The following PLAGL1 variants were observed in gnomAD, a reference collection of about 807,000 sequenced individuals.
PLAGL1 encodes the protein zinc finger protein PLAGL1.
In PLAGL1, 1 loss-of-function variant was observed where a neutral mutation model predicts 4.6. The ratio of observed to expected loss-of-function variants is 0.22; its 90% CI spans 0.08 to 1.03. PLAGL1 has a LOEUF of 1.03. Ranked by LOEUF, PLAGL1 falls within the 50% of genes least tolerant of loss-of-function variation. PLAGL1 has a pLI of 0.58. For synonymous variants in PLAGL1, 240 were observed against 237.8 expected, an observed-to-expected ratio of 1.01 and a Z score of -0.08; for missense variants, 464 against 570.4, an observed-to-expected ratio of 0.81 and a Z score of 1.90.
chr6:144,000,266 C>A lies in PLAGL1; in HGVS notation c.-584+7824G>T, dbSNP rs915850447. Among the ~76,000 whole-genome samples the A allele has an allele frequency of 6.6e-6, 1 of 151,732 alleles. No homozygotes were observed. Among genetic ancestry groups the A allele is most frequent in the Non-Finnish European group, 1.5e-5 (1 of 67,938 alleles). ...TTCTTCATTGTACTGGTTGTCCTAG[C>A]CAGTGAAATTAGACATAAACAAAAG... is the stretch of plus-strand genomic sequence containing the variant. On this transcript the variant is annotated intron_variant, in intron 1 of 7. Coordinates refer to ENST00000674357, the MANE Select transcript of PLAGL1 (RefSeq NM_001317162.2). This position sits in a 1 kb window ranked among gnomAD's most constrained non-coding sequence, Gnocchi z 4.1.
In PLAGL1 at chr6:144,022,690, G is replaced by A. The variant is rs1796058214; in HGVS notation, c.-151+41778C>T. Reference sequence around the variant, plus strand: ...TATGAAAGGGAGTTCCCTTGCACAAGCTCTCTTGCCTGCCACCATGTAAGA... The same window carrying A: ...TATGAAAGGGAGTTCCCTTGCACAAACTCTCTTGCCTGCCACCATGTAAGA... On this transcript the variant is annotated intron_variant, in intron 1 of 3. Coordinates refer to the PLAGL1 transcript ENST00000437412. This position sits in a 1 kb window ranked among gnomAD's most constrained non-coding sequence, Gnocchi z 4.2. 6.6e-6 allele frequency among the ~76,000 whole-genome samples: 1 copy of A among 152,138 alleles called. No homozygotes were observed. The highest frequency in any genetic ancestry group is 2.1e-4 in the South Asian group (1 of 4,824).
intron 1 of PLAGL1, among the ~76,000 whole-genome samples, chr6:144,020,133 A>T (rs1270317472): frequency 6.6e-6 from 1 of 152,142 alleles, no homozygotes; most frequent in East Asian, 1.9e-4. Flanking sequence ...GTGAGGAAGC[A>T]AGAAGACCGC....
At position 143,984,303 on chromosome 6, in the gene PLAGL1, T is replaced by C. The variant is rs1430910935; in HGVS notation, c.-544+832A>G. Among the ~76,000 whole-genome samples, 2 of 152,172 alleles carry C rather than the reference T, an allele frequency of 1.3e-5. No homozygotes were observed. Among genetic ancestry groups the C allele is most frequent in the Non-Finnish European group, 2.9e-5 (2 of 68,016 alleles). On this transcript the variant is annotated intron_variant, in intron 2 of 7. Coordinates refer to ENST00000674357, the MANE Select transcript of PLAGL1 (RefSeq NM_001317162.2). The surrounding 1 kb of genome is among the most constrained non-coding windows in gnomAD (Gnocchi z 5.5). ...TTTCTGTGGAGCACCAGTTCAATGG[T>C]ATATTTGGTGAGGTAGGGGTTGTAT...
At chr6:144,032,103 C>A (rs1796876264) in intron 1 of PLAGL1, among the ~76,000 whole-genome samples, 2 of 150,766 alleles carry the variant, frequency 1.3e-5, no homozygotes, top group African/African-American at 4.9e-5. Flanking sequence ...TATCAAGTTT[C>A]TCCCTATAAC....
chr6:143,995,243 CT>C lies in PLAGL1; in HGVS notation c.-583-10070del, dbSNP rs1791368988. Among the ~76,000 whole-genome samples, 1 of 152,110 alleles carries C rather than the reference CT, an allele frequency of 6.6e-6. No homozygotes were observed. Among genetic ancestry groups the C allele is most frequent in the African/African-American group, 2.4e-5 (1 of 41,424 alleles). ...AAAGCAAGGTCCCTTTCAATTTATC[CT>C]TAAAGTTAATTAATAAAAAGCTTAA... On this transcript the variant is annotated intron_variant, in intron 1 of 7. Transcript: ENST00000674357. The surrounding 1 kb of genome is among the most constrained non-coding windows in gnomAD (Gnocchi z 4.4).
rs979681794 is a variant in PLAGL1 at position 143,961,826 on chromosome 6, G to A, written c.-398-1284C>T. Among the ~76,000 whole-genome samples, 1 of 152,074 alleles carries A rather than the reference G, an allele frequency of 6.6e-6. No homozygotes were observed. Among genetic ancestry groups the A allele is most frequent in the African/African-American group, 2.4e-5 (1 of 41,392 alleles). ...CTTTGCACCTACCCATCTCACAAAC[G>A]GACAATACCAATTTATGTATTCAAA... On this transcript the variant is annotated intron_variant, in intron 5 of 7. Transcript: ENST00000674357. The surrounding 1 kb of genome is among the most constrained non-coding windows in gnomAD (Gnocchi z 6.5).
Position 143,941,932 on chromosome 6 carries a change from G to T in PLAGL1, c.884C>A (p.Pro295Gln). ...LHPSVSPGSP[P>Q]PPLPNHKYNT... ...GTACTTGTGATTGGGAAGGGGTGGC[G>T]GAGGAGAGCCAGGGGATACCGAGGG... The change falls in exon 8 of 8, where the codon CCG becomes CAG. Residue 295 changes from proline (P) to glutamine (Q), a missense_variant. Coordinates refer to ENST00000674357, the MANE Select transcript of PLAGL1 (RefSeq NM_001317162.2). This position sits in a 1 kb window ranked among gnomAD's most constrained non-coding sequence, Gnocchi z 6.0. The T allele has an allele frequency of 3.7e-6, 6 of 1,609,170 alleles. No individual in the cohort carries two copies. Among genetic ancestry groups the T allele is most frequent in the Non-Finnish European group, 5.1e-6 (6 of 1,177,058 alleles).
At position 144,006,608 on chromosome 6, in the gene PLAGL1, T is replaced by C. The variant is rs1794251280; in HGVS notation, c.-584+1482A>G. Reference sequence around the variant, plus strand: ...TTTTTTGGTTCAACACTGAAAGGCATTTGTGTTGAAACACAAAAATACTTC... The same window carrying C: ...TTTTTTGGTTCAACACTGAAAGGCACTTGTGTTGAAACACAAAAATACTTC... On this transcript the variant is annotated intron_variant, in intron 1 of 7. Coordinates refer to ENST00000674357, the MANE Select transcript of PLAGL1 (RefSeq NM_001317162.2). This position sits in a 1 kb window ranked among gnomAD's most constrained non-coding sequence, Gnocchi z 4.3. The C allele has an allele frequency of 6.6e-6, 1 of 152,190 alleles. No individual in the cohort carries two copies. The highest frequency in any genetic ancestry group is 1.5e-5 in the Non-Finnish European group (1 of 68,032). 9.4% of individuals were successfully genotyped at this position (152,190 alleles called of 1,614,324 possible).
chr6:143,944,011 T>G (rs1779213198), intron 7 of PLAGL1, among the ~76,000 whole-genome samples: 1 of 152,216 alleles, frequency 6.6e-6, no homozygotes, highest in Non-Finnish European at 1.5e-5. Flanking sequence ...GCATGTCCTA[T>G]GAAACAGAAT....
intron 1 of PLAGL1, among the ~76,000 whole-genome samples, chr6:144,042,037 T>C (rs1797781804): frequency 1.3e-5 from 2 of 152,316 alleles, no homozygotes; most frequent in South Asian, 2.1e-4. Context: ...GTTGTTTTTT[T>C]CTTGTAAATT....
chr6:143,959,295 C>T lies in PLAGL1; in HGVS notation c.-325+1174G>A, dbSNP rs964545667. Among the ~76,000 whole-genome samples, 1 of 152,140 alleles carries T rather than the reference C, an allele frequency of 6.6e-6. No homozygotes were observed. The highest frequency in any genetic ancestry group is 1.5e-5 in the Non-Finnish European group (1 of 68,038). On this transcript the variant is annotated intron_variant, in intron 6 of 7. Coordinates refer to ENST00000674357, the MANE Select transcript of PLAGL1 (RefSeq NM_001317162.2). The surrounding 1 kb of genome is among the most constrained non-coding windows in gnomAD (Gnocchi z 5.3). ...ACAAGGCCTGCTGTGTTAGCCACAC[C>T]CCACCTGTTCGCAGCCCATGGACTC...
chr6:144,024,293 G>A (rs1361518438), intron 1 of PLAGL1, among the ~76,000 whole-genome samples: 1 of 152,074 alleles, frequency 6.6e-6, no homozygotes, highest in Non-Finnish European at 1.5e-5. Flanking sequence ...TCATGTGAGG[G>A]GTGGGCAGGG....
chr6:143,943,784 T>C (rs9496825), intron 7 of PLAGL1, among the ~76,000 whole-genome samples: 1,621 of 152,350 alleles, frequency 0.011, 33 homozygotes, highest in African/African-American at 0.036. Context: ...TCTAGTCAAT[T>C]TGGAATTTCA....
rs371685096 is a variant in PLAGL1, at chr6:143,948,013, C to T, written c.124G>A (p.Ala42Thr). The part of the protein sequence containing the change: ...YKCVQPDCGK[A>T]FVSRYKLMRH... Reference sequence around the variant, plus strand: ...ATCAATTTATATCTGGAAACAAAGGCTTTGCCACAGTCAGGCTGCACACAC... The same window carrying T: ...ATCAATTTATATCTGGAAACAAAGGTTTTGCCACAGTCAGGCTGCACACAC... Residue 42 changes from alanine to threonine, a missense_variant, in exon 7 of 8, where the codon GCC (alanine) becomes ACC (threonine). This residue lies in a region of PLAGL1 where 161 missense variants were observed against 196.7 expected (regional missense o/e 0.82). Coordinates refer to ENST00000674357, the MANE Select transcript of PLAGL1 (RefSeq NM_001317162.2). The surrounding 1 kb of genome is among the most constrained non-coding windows in gnomAD (Gnocchi z 6.0). The T allele has an allele frequency of 1.4e-4, 232 of 1,614,024 alleles. No homozygotes were observed. The highest frequency in any genetic ancestry group is 1.9e-4 in the Non-Finnish European group (225 of 1,179,992).
rs945909106 is a variant in PLAGL1, at chr6:143,961,728, T to A, written c.-398-1186A>T. Among the ~76,000 whole-genome samples, 1 of 152,214 alleles carries A rather than the reference T, an allele frequency of 6.6e-6. No homozygotes were observed. The highest frequency in any genetic ancestry group is 1.5e-5 in the Non-Finnish European group (1 of 68,042). Reference sequence around the variant, plus strand: ...TAATTGGGTGGTCTCCAAAGGCTTGTATAAAATTTTTTTTGAAAGAGCTTT... The same window carrying A: ...TAATTGGGTGGTCTCCAAAGGCTTGAATAAAATTTTTTTTGAAAGAGCTTT... On this transcript the variant is annotated intron_variant, in intron 5 of 7. Coordinates refer to ENST00000674357, the MANE Select transcript of PLAGL1 (RefSeq NM_001317162.2). This position sits in a 1 kb window ranked among gnomAD's most constrained non-coding sequence, Gnocchi z 6.5.
chr6:143,972,203 G>A lies in PLAGL1; in HGVS notation c.-543-3225C>T, dbSNP rs1039309581. Among the ~76,000 whole-genome samples, 7 of 152,202 alleles carry A rather than the reference G, an allele frequency of 4.6e-5. No homozygotes were observed. The highest frequency in any genetic ancestry group is 1.7e-4 in the African/African-American group (7 of 41,450). ...CCCATTCATTCAGCTCGCATTTACC[G>A]AGCCAAGAGCTCTGCTAGGCTTGAG... is the stretch of plus-strand genomic sequence containing the variant. On this transcript the variant is annotated intron_variant, in intron 2 of 7. Transcript: ENST00000674357. This position sits in a 1 kb window ranked among gnomAD's most constrained non-coding sequence, Gnocchi z 6.8.
rs901045941 is a variant in PLAGL1 at position 143,964,132 on chromosome 6, A to G, written c.-399+655T>C. Among the ~76,000 whole-genome samples, 2 of 151,986 alleles carry G rather than the reference A, an allele frequency of 1.3e-5. No homozygotes were observed. Among genetic ancestry groups the G allele is most frequent in the Non-Finnish European group, 2.9e-5 (2 of 67,982 alleles). ...TAAGGAGGTATGTCAGTCCCCAGCAATAGAGGCCCTGGCACCCCTCTGTTC... is the reference window on the plus strand; with the variant it reads ...TAAGGAGGTATGTCAGTCCCCAGCAGTAGAGGCCCTGGCACCCCTCTGTTC... On this transcript the variant is annotated intron_variant, in intron 5 of 7. Transcript: ENST00000674357. This position sits in a 1 kb window ranked among gnomAD's most constrained non-coding sequence, Gnocchi z 4.3.
In PLAGL1 at chr6:143,948,427, A is replaced by G. The variant is rs1780278481; in HGVS notation, c.-291T>C. The G allele has an allele frequency of 3.0e-6, 1 of 331,012 alleles. No individual in the cohort carries two copies. Among genetic ancestry groups the G allele is most frequent in the Non-Finnish European group, 5.7e-6 (1 of 174,924 alleles). 20.5% of individuals were successfully genotyped at this position (331,012 alleles called of 1,614,324 possible). ...GAGCAGAAAGGTAATCTGCATCACT[A>G]TAGCTGGGGCATGTCCTGGGTCCCC... is the stretch of plus-strand genomic sequence containing the variant. On this transcript the variant is annotated 5_prime_UTR_variant, in exon 7 of 8. It removes the in-frame stop codon of an upstream open reading frame in the 5' UTR. Coordinates refer to ENST00000674357, the MANE Select transcript of PLAGL1 (RefSeq NM_001317162.2). The surrounding 1 kb of genome is among the most constrained non-coding windows in gnomAD (Gnocchi z 6.0).
At chr6:143,999,582 C>T (rs1792389895) in intron 1 of PLAGL1, among the ~76,000 whole-genome samples, 2 of 152,202 alleles carry the variant, frequency 1.3e-5, no homozygotes, top group Non-Finnish European at 2.9e-5. Flanking sequence ...ATATAAATCG[C>T]TCCAGAAAGT....
Sources: allele counts gnomAD v4.1 joint callset (sites outside exome capture counted in the v4.1 genomes callset), GRCh38; gene constraint gnomAD v4.1.1; regional missense constraint gnomAD v4.1.1; non-coding constraint Gnocchi (gnomAD v3.1); transcripts MANE v1.5; gene names NCBI Gene and HGNC (gene_info 2026-07-23, HGNC 2026-07-21).